The following ARL15 variants were observed in gnomAD, a reference collection of about 807,000 sequenced individuals.
ARL15 encodes the protein ARF like GTPase 15, also known as ADP-ribosylation factor-like protein 15.
Under a neutral mutation model 25.2 loss-of-function variants are expected in ARL15, and 19 were observed. That is an observed-to-expected ratio of 0.75 (90% confidence interval 0.53 to 1.10). The LOEUF is 1.10. Ranked by LOEUF, ARL15 falls within the 50% of genes least tolerant of loss-of-function variation. The pLI is 0.00. For missense variants in ARL15, 220 were observed against 246.0 expected (o/e 0.89, Z 0.71); for synonymous variants, 94 against 86.8 (o/e 1.08, Z -0.46).
At chr5:53,907,435 T>C (rs1344746702) in intron 4 of ARL15, among the ~76,000 whole-genome samples, 1 of 130,384 alleles carries the variant, frequency 7.7e-6, no homozygotes, top group African/African-American at 2.9e-5. Context: ...GAGAAGAAGG[T>C]TGAAAGGTTG....
At chr5:54,042,206 T>C (rs1346222754) in intron 4 of ARL15, among the ~76,000 whole-genome samples, 1 of 152,082 alleles carries the variant, frequency 6.6e-6, no homozygotes, top group Non-Finnish European at 1.5e-5. Context: ...CCTAACCTCA[T>C]GATCCGCCCA....
Position 54,281,556 on chromosome 5 carries a change from C to T in ARL15, c.48+28876G>A, listed in dbSNP as rs576253350. 6.6e-5 allele frequency among the ~76,000 whole-genome samples: 10 copies of T among 152,288 alleles called. No individual in the cohort carries two copies. The East Asian group carries it at 1.9e-3, about 29-fold the overall frequency. On this transcript the variant is annotated intron_variant, in intron 1 of 4. Coordinates refer to ENST00000504924, the MANE Select transcript of ARL15 (RefSeq NM_019087.3). Reference sequence around the variant, plus strand: ...TTGGATGCTTAGCAATACCCCTGGCCTCAACCCATAAGATGACAGTAGCAT... The same window carrying T: ...TTGGATGCTTAGCAATACCCCTGGCTTCAACCCATAAGATGACAGTAGCAT...
rs139966418 is a variant in ARL15, at chr5:54,058,380, T to C, written c.462+54822A>G. 4.5e-3 allele frequency among the ~76,000 whole-genome samples: 690 copies of C among 152,262 alleles called. 8 individuals are homozygous for C. The highest frequency in any genetic ancestry group is 0.016 in the African/African-American group (649 of 41,544). ...TTGTAGCTTGGCTGTTTTACATGAA[T>C]TAAGTATTAAATAAACAAGTATTTG... On this transcript the variant is annotated intron_variant, in intron 4 of 4. Transcript: ENST00000504924.
Position 53,923,104 on chromosome 5 carries a change from G to A in ARL15, c.463-36391C>T, listed in dbSNP as rs114984837. Among the ~76,000 whole-genome samples, 227 of 152,266 alleles carry A rather than the reference G, an allele frequency of 1.5e-3. 1 individual carries two copies. Among genetic ancestry groups the A allele is most frequent in the African/African-American group, 5.2e-3 (214 of 41,550 alleles). ...CTAAAGAAGTCTTCTCAAGTGACAG[G>A]GAACTTCAAACTCAGGGCAAGCAAG... On this transcript the variant is annotated intron_variant, in intron 4 of 4. Coordinates refer to ENST00000504924, the MANE Select transcript of ARL15 (RefSeq NM_019087.3).
At chr5:54,283,703 A>G (rs920682741) in intron 1 of ARL15, among the ~76,000 whole-genome samples, 1 of 152,208 alleles carries the variant, frequency 6.6e-6, no homozygotes, top group Non-Finnish European at 1.5e-5. Flanking sequence ...CATAATAGTG[A>G]ATGACTGAAC....
chr5:54,073,092 A>G (rs1169253576), intron 4 of ARL15, among the ~76,000 whole-genome samples: 1 of 152,206 alleles, frequency 6.6e-6, no homozygotes, highest in Non-Finnish European at 1.5e-5. Context: ...ATTTCAAAAG[A>G]TTGTTGATAA....
chr5:54,032,774 A>G (rs1393240714), intron 4 of ARL15, among the ~76,000 whole-genome samples: 1 of 151,938 alleles, frequency 6.6e-6, no homozygotes, highest in Non-Finnish European at 1.5e-5. Flanking sequence ...CAACCTCTTG[A>G]CTCTTATTGT....
At chr5:54,100,537 A>C (rs1752406002) in intron 4 of ARL15, among the ~76,000 whole-genome samples, 1 of 152,104 alleles carries the variant, frequency 6.6e-6, no homozygotes. Context: ...TCACAAATAA[A>C]TTGTGAAATT....
chr5:53,993,017 G>A (rs1748556086), intron 4 of ARL15, among the ~76,000 whole-genome samples: 1 of 151,052 alleles, frequency 6.6e-6, no homozygotes. Context: ...TTGCACTCTG[G>A]CCCGGGCAAC....
chr5:54,201,741 T>C (rs146548143), intron 1 of ARL15, among the ~76,000 whole-genome samples: 17 of 152,312 alleles, frequency 1.1e-4, no homozygotes, highest in Non-Finnish European at 2.2e-4. Context: ...CAGTGGTCCC[T>C]ATACCTATGG....
chr5:54,293,147 T>C (rs1250286683), intron 1 of ARL15, among the ~76,000 whole-genome samples: 1 of 152,204 alleles, frequency 6.6e-6, no homozygotes, highest in Non-Finnish European at 1.5e-5. Context: ...CAGCTCAACA[T>C]TGCACAGTGA....
intron 4 of ARL15, among the ~76,000 whole-genome samples, chr5:54,100,464 C>T (rs1355088181): frequency 6.6e-6 from 1 of 151,800 alleles, no homozygotes; most frequent in African/African-American, 2.4e-5. Context: ...CTATACTTAC[C>T]TATATGTTTG....
chr5:54,172,991 C>G (rs937174805), intron 1 of ARL15, among the ~76,000 whole-genome samples: 4 of 151,894 alleles, frequency 2.6e-5, no homozygotes, highest in Non-Finnish European at 5.9e-5. Context: ...CCAGTCTGGC[C>G]AATGTGGTGA....
chr5:53,939,830 T>G (rs1437217702), intron 4 of ARL15, among the ~76,000 whole-genome samples: 1 of 152,160 alleles, frequency 6.6e-6, no homozygotes, highest in Non-Finnish European at 1.5e-5. Context: ...AATCTGTAGA[T>G]TAATAATCAT....
intron 1 of ARL15, among the ~76,000 whole-genome samples, chr5:54,291,086 T>C (rs1442551649): frequency 6.6e-6 from 1 of 152,242 alleles, no homozygotes; most frequent in Non-Finnish European, 1.5e-5. Flanking sequence ...AAATTTCTAT[T>C]TGCCTATTAA....
At chr5:54,169,426 T>A (rs1439217903) in intron 2 of ARL15, among the ~76,000 whole-genome samples, 1 of 152,172 alleles carries the variant, frequency 6.6e-6, no homozygotes, top group Non-Finnish European at 1.5e-5. Context: ...ACCACTAAAC[T>A]TCACTTGAAC....
chr5:53,978,622 C>CAAAAAAAAA (rs147288475), intron 4 of ARL15, among the ~76,000 whole-genome samples: 98 of 73,886 alleles, frequency 1.3e-3, no homozygotes, highest in Non-Finnish European at 1.6e-3. Context: ...CCTGTCTCTA[C>CAAAAAAAAA]AAAAAAAAAA....
intron 4 of ARL15, among the ~76,000 whole-genome samples, chr5:54,076,155 G>A (rs1459231580): frequency 6.6e-6 from 1 of 151,972 alleles, no homozygotes; most frequent in Non-Finnish European, 1.5e-5. Context: ...GGTGGCTCAC[G>A]GCTGTAATCC....
At chr5:53,909,515 T>A (rs1197393720) in intron 4 of ARL15, among the ~76,000 whole-genome samples, 2 of 152,218 alleles carry the variant, frequency 1.3e-5, no homozygotes, top group Non-Finnish European at 2.9e-5. Flanking sequence ...GAGACCAGCC[T>A]GACCAACATG....
Sources: gnomAD v4.1 joint callset for allele counts (sites outside exome capture counted in the v4.1 genomes callset) on GRCh38, gnomAD v4.1.1 for gene constraint, MANE v1.5 for transcripts, NCBI Gene and HGNC (gene_info 2026-07-23, HGNC 2026-07-21) for gene names.